The following PCNX3 variants were observed in gnomAD, a reference collection of about 807,000 sequenced individuals.
PCNX3 encodes pecanex-like protein 3.
In PCNX3, 58 loss-of-function variants were observed where a neutral mutation model predicts 207.2. The observed-to-expected ratio is 0.28, with a 90% CI of 0.23 to 0.35. PCNX3 has a LOEUF of 0.35. Among genes scored for constraint, PCNX3 ranks in the 10% least tolerant of loss-of-function variants. The pLI, the probability that PCNX3 is intolerant of heterozygous loss-of-function variation, is 1.00. For synonymous variants in PCNX3, 1,337 were observed against 1,183.5 expected (o/e 1.13, Z -2.66); for missense variants, 2,410 against 2,774.4 (o/e 0.87, Z 2.95).
In PCNX3 at chr11:65,626,031, A is replaced by C; in HGVS notation, c.3356A>C (p.Glu1119Ala). The C allele has an allele frequency of 6.2e-7, 1 of 1,610,444 alleles. No homozygotes were observed. The highest frequency in any genetic ancestry group is 2.2e-5 in the East Asian group (1 of 44,768). The change falls in exon 20 of 35, where the codon GAG becomes GCG. Residue 1119 changes from glutamate to alanine, a missense_variant. Coordinates refer to ENST00000355703, the MANE Select transcript of PCNX3 (RefSeq NM_032223.4). ...CLSQPVLKPLEYSQYEVRGAA... is the reference protein window; with the variant it reads ...CLSQPVLKPLAYSQYEVRGAA... ...TCACAGCCCGTGCTGAAGCCGCTGG[A>C]GTACAGCCAGTATGAAGTGCGCGGT...
In PCNX3 at chr11:65,624,973, T is replaced by C; in HGVS notation, c.2876T>C (p.Leu959Pro). ...GTCTTCAGCCTCTCCCGCAGCCTGC[T>C]GGCTGCTGCCCTGCTCTACGGTTTC... is the stretch of plus-strand genomic sequence containing the variant. ...TAVFSLSRSL[L>P]AAALLYGFCL... Residue 959 changes from leucine (L) to proline (P), a missense_variant, in exon 16 of 35, where the codon CTG becomes CCG. By Grantham distance (98) the Leu-to-Pro change is moderately conservative (BLOSUM62 -3). Transcript: ENST00000355703. The C allele has an allele frequency of 6.2e-7, 1 of 1,612,792 alleles. No individual in the cohort carries two copies.
chr11:65,619,697 G>A, intron 7 of PCNX3, 37 bp downstream of exon 7: 2 of 1,568,580 alleles, frequency 1.3e-6, no homozygotes, highest in South Asian at 2.3e-5. Flanking sequence ...GGGCACCGGG[G>A]GCCGGGGAGG....
intron 29 of PCNX3, among the ~76,000 whole-genome samples, 158 bp from the exon 30 acceptor site, chr11:65,634,815 A>G (rs1855760685): frequency 6.6e-6 from 1 of 152,076 alleles, no homozygotes; most frequent in Admixed American, 6.5e-5. Context: ...CCTGCTCCTC[A>G]GTGCTCTGTG....
At position 65,636,842 on chromosome 11, in the gene PCNX3, C is replaced by A. The variant is rs1470277587; in HGVS notation, c.5969C>A (p.Ala1990Asp). The A allele has an allele frequency of 6.4e-7, 1 of 1,551,152 alleles. No homozygotes were observed. The highest frequency in any genetic ancestry group is 2.4e-5 in the East Asian group (1 of 40,918). Reference sequence around the variant, plus strand: ...AGCACTGAGGCCTCACCCCCCAGAGCTTCCCAGGACATTCCTTGCTTGGAC... The same window carrying A: ...AGCACTGAGGCCTCACCCCCCAGAGATTCCCAGGACATTCCTTGCTTGGAC... The part of the protein sequence containing the change: ...DVSTEASPPR[A>D]SQDIPCLDSS... Residue 1990 changes from alanine to aspartate, a missense_variant, in exon 35 of 35, where the codon GCT (alanine) becomes GAT (aspartate). Transcript: ENST00000355703.
At chr11:65,636,039 G>A in intron 32 of PCNX3, 135 bp from the exon 33 acceptor site, 1 of 1,368,392 alleles carries the variant, frequency 7.3e-7, no homozygotes, top group Non-Finnish European at 1.0e-6. Flanking sequence ...AAAGTAGGTG[G>A]CAGCTTCTTA....
rs776572109 is a variant in PCNX3 at position 65,635,446 on chromosome 11, A to G, written c.5182A>G (p.Lys1728Glu). ...NRRHLSFRVI[K>E]VNRECVRGLW... is the part of the protein sequence containing the mutation. Reference sequence around the variant, plus strand: ...GCGCCACCTCAGCTTCCGAGTCATCAAGGTTGGGCCGGCCCCACCTGCCCT... The same window carrying G: ...GCGCCACCTCAGCTTCCGAGTCATCGAGGTTGGGCCGGCCCCACCTGCCCT... The change falls in exon 31 of 35, where the codon AAG becomes GAG. Residue 1728 changes from lysine to glutamate, a missense_variant and splice_region_variant. Lys to Glu is a moderately conservative substitution (Grantham distance 56). This residue lies in a region of PCNX3 where 420 missense variants were observed against 705.3 expected (regional missense o/e 0.60). Transcript: ENST00000355703. The surrounding 1 kb of genome is among the most constrained non-coding windows in gnomAD (Gnocchi z 9.9). 1.9e-6 allele frequency: 3 copies of G among 1,609,930 alleles called. No homozygotes were observed. Among genetic ancestry groups the G allele is most frequent in the Non-Finnish European group, 8.5e-7 (1 of 1,179,208 alleles).
rs1198783025 is a variant in PCNX3 at position 65,635,550 on chromosome 11, G to A, written c.5206G>A (p.Gly1736Ser). Residue 1736 changes from glycine to serine, a missense_variant, in exon 32 of 35, where the codon GGC becomes AGC. Physicochemically the swap from Gly to Ser is moderately conservative, Grantham distance 56. This residue lies in a region of PCNX3 where 420 missense variants were observed against 705.3 expected (regional missense o/e 0.60). Transcript: ENST00000355703. This position sits in a 1 kb window ranked among gnomAD's most constrained non-coding sequence, Gnocchi z 9.9. ...VIKVNRECVRGLWAGQQQELV... is the reference protein window; with the variant it reads ...VIKVNRECVRSLWAGQQQELV... ...TCAGGTGAACCGGGAGTGCGTGCGC[G>A]GCCTGTGGGCCGGGCAGCAGCAGGA... 2.5e-6 allele frequency: 4 copies of A among 1,611,384 alleles called. No individual in the cohort carries two copies. The highest frequency in any genetic ancestry group is 1.7e-5 in the Admixed American group (1 of 59,962).
chr11:65,619,451 C>G (rs1354440045), intron 6 of PCNX3, 86 bp from the exon 7 acceptor site: 5 of 1,542,068 alleles, frequency 3.2e-6, no homozygotes, highest in Non-Finnish European at 4.4e-6. Flanking sequence ...GCCTTTAGCT[C>G]CCTGGCGGAA....
At position 65,622,339 on chromosome 11, in the gene PCNX3, G is replaced by A. The variant is rs1855152368; in HGVS notation, c.2330G>A (p.Arg777Gln). ...CGCTGGACCTCTGTGCGCTATGAGC[G>A]GCTTGCCCTGCTGGCTCTGCTGGAC... ...PGRWTSVRYE[R>Q]LALLALLDRT... The change falls in exon 11 of 35, where the codon CGG becomes CAG. Residue 777 changes from arginine (R) to glutamine (Q), a missense_variant. Arg to Gln is a conservative substitution (Grantham distance 43). Transcript: ENST00000355703. 1 of 1,594,048 alleles carries A rather than the reference G, an allele frequency of 6.3e-7. No individual in the cohort carries two copies. The highest frequency in any genetic ancestry group is 1.3e-5 in the African/African-American group (1 of 74,378).
At chr11:65,623,113 C>G (rs1244361000) in intron 11 of PCNX3, among the ~76,000 whole-genome samples, 1 of 152,220 alleles carries the variant, frequency 6.6e-6, no homozygotes, top group Non-Finnish European at 1.5e-5. Context: ...CTGGGTTTCT[C>G]TAGGCACAGG....
chr11:65,624,344 C>T lies in PCNX3; in HGVS notation c.2694C>T (p.Phe898=), dbSNP rs1156324903. ...GLTLFSASFF[F]CARDVATVFT... is the part of the protein sequence containing the mutation. ...CGCTCTTCTCTGCCTCCTTCTTCTT[C>T]TGTGCCCGAGACGTGGCCACTGGTG... The change falls in exon 14 of 35, where the codon TTC becomes TTT. Residue 898 remains phenylalanine (F), a synonymous_variant. Coordinates refer to ENST00000355703, the MANE Select transcript of PCNX3 (RefSeq NM_032223.4). The T allele has an allele frequency of 4.5e-6, 7 of 1,557,256 alleles. No homozygotes were observed. In the East Asian group the frequency reaches 1.2e-4, roughly 27 times the overall value.
rs767632436 is a variant in PCNX3, at chr11:65,629,419, T to G, written c.4000+4T>G. 1.2e-6 allele frequency: 2 copies of G among 1,612,136 alleles called. No individual in the cohort carries two copies. Among genetic ancestry groups the G allele is most frequent in the Non-Finnish European group, 1.7e-6 (2 of 1,179,052 alleles). On this transcript the variant is annotated splice_donor_region_variant and intron_variant, in intron 25 of 34. Coordinates refer to ENST00000355703, the MANE Select transcript of PCNX3 (RefSeq NM_032223.4). ...ACACAGCTGGACAGGAACCCTGGTG[T>G]GTACCCAGCCATCCAAGGGGCTTTA...
chr11:65,634,769 C>T (rs1184136643), intron 29 of PCNX3, 128 bp downstream of exon 29: 2 of 1,178,324 alleles, frequency 1.7e-6, no homozygotes, highest in South Asian at 1.5e-5. Flanking sequence ...GGTACCTCTT[C>T]TCCCACGGGC....
chr11:65,634,469 C>G, intron 28 of PCNX3, 69 bp from the exon 29 acceptor site: 1 of 1,519,444 alleles, frequency 6.6e-7, no homozygotes, highest in Non-Finnish European at 8.9e-7. Flanking sequence ...GCCTGAGCCC[C>G]AGCCCCCACT....
At chr11:65,616,551 C>G in intron 1 of PCNX3, 87 bp downstream of exon 1, 1 of 1,416,792 alleles carries the variant, frequency 7.1e-7, no homozygotes, top group Non-Finnish European at 9.5e-7. Context: ...GGCTCTGGGA[C>G]GTGGAGAGAG....
chr11:65,634,689 C>T (rs1467730362), intron 29 of PCNX3, 48 bp downstream of exon 29: 2 of 1,483,624 alleles, frequency 1.3e-6, no homozygotes, highest in Non-Finnish European at 1.8e-6. Context: ...CCCACCCCAC[C>T]TCTTCCACGA....
At position 65,636,826 on chromosome 11, in the gene PCNX3, G is replaced by A; in HGVS notation, c.5953G>A (p.Ala1985Thr). The change falls in exon 35 of 35, where the codon GCC (alanine) becomes ACC (threonine). Residue 1985 changes from alanine to threonine, a missense_variant. Physicochemically the swap from Ala to Thr is moderately conservative, Grantham distance 58. Coordinates refer to ENST00000355703, the MANE Select transcript of PCNX3 (RefSeq NM_032223.4). ...LSLSPDVSTE[A>T]SPPRASQDIP... is the part of the protein sequence containing the mutation. ...CCTCAGCCCCGATGTCAGCACTGAGGCCTCACCCCCCAGAGCTTCCCAGGA... is the reference window on the plus strand; with the variant it reads ...CCTCAGCCCCGATGTCAGCACTGAGACCTCACCCCCCAGAGCTTCCCAGGA... 4 of 1,549,882 alleles carry A rather than the reference G, an allele frequency of 2.6e-6. No individual in the cohort carries two copies. The highest frequency in any genetic ancestry group is 2.4e-5 in the South Asian group (2 of 84,048).
chr11:65,628,763 GGGT>G, intron 23 of PCNX3, 53 bp from the exon 24 acceptor site: 1 of 1,602,340 alleles, frequency 6.2e-7, no homozygotes, highest in Non-Finnish European at 8.5e-7. Flanking sequence ...GGGCAGTGGG[GGGT>G]GGTGGGGGGC....
Position 65,625,990 on chromosome 11 carries a change from G to C in PCNX3, c.3315G>C (p.Leu1105=), listed in dbSNP as rs1176637211. 1.9e-6 allele frequency: 3 copies of C among 1,613,634 alleles called. No individual in the cohort carries two copies. The highest frequency in any genetic ancestry group is 2.7e-5 in the African/African-American group (2 of 74,940). ...HYLLPQLRKQ[L]PWFCLSQPVL... ...TGCTGCCACAACTCCGCAAACAGCT[G>C]CCCTGGTTCTGCCTGTCACAGCCCG... The change falls in exon 20 of 35, where the codon CTG becomes CTC. Residue 1105 remains leucine (L), a synonymous_variant. Coordinates refer to ENST00000355703, the MANE Select transcript of PCNX3 (RefSeq NM_032223.4). This position sits in a 1 kb window ranked among gnomAD's most constrained non-coding sequence, Gnocchi z 5.6.
Sources: allele counts gnomAD v4.1 joint callset (sites outside exome capture counted in the v4.1 genomes callset), GRCh38; gene constraint gnomAD v4.1.1; regional missense constraint gnomAD v4.1.1; non-coding constraint Gnocchi (gnomAD v3.1); transcripts MANE v1.5; gene names NCBI Gene and HGNC (gene_info 2026-07-23, HGNC 2026-07-21).